ANK2: variants seen among roughly 807,000 people sequenced by gnomAD.
ANK2 encodes the protein ankyrin 2.
ANK2 carries 83 observed loss-of-function variants against 360.5 expected under a neutral mutation model. The observed-to-expected ratio is 0.23, with a 90% confidence interval of 0.19 to 0.28. ANK2 has a LOEUF of 0.28. Ranked by LOEUF, ANK2 falls within the 10% of genes least tolerant of loss-of-function variation. ANK2 has a pLI of 1.00. For missense variants in ANK2, 4,201 were observed against 4,795.7 expected, an observed-to-expected ratio of 0.88 and a Z score of 3.66; for synonymous variants, 1,740 against 1,759.5, an observed-to-expected ratio of 0.99 and a Z score of 0.28.
At chr4:112,733,806 A>T in the ANK2 span, among the ~76,000 whole-genome samples, 1 of 152,166 alleles carries the variant, frequency 6.6e-6, no homozygotes. Flanking sequence ...ACGGAGTCTC[A>T]CCTTGTCGCC....
At chr4:112,735,692 T>TA in the ANK2 span, among the ~76,000 whole-genome samples, 18 of 152,160 alleles carry the variant, frequency 1.2e-4, no homozygotes, top group African/African-American at 2.7e-4. Context: ...TAAATTGTGG[T>TA]AAAAAAACAT....
At chr4:112,729,067 C>T in the ANK2 span, among the ~76,000 whole-genome samples, 2 of 152,038 alleles carry the variant, frequency 1.3e-5, no homozygotes, top group African/African-American at 2.4e-5. Flanking sequence ...ATTAGCCAGG[C>T]ATGGTGGCAC....
At chr4:113,173,106 T>C (rs2153223848) in intron 1 of ANK2, among the ~76,000 whole-genome samples, 1 of 152,334 alleles carries the variant, frequency 6.6e-6, no homozygotes, top group African/African-American at 2.4e-5. Context: ...GTCACACCTT[T>C]CAACTCTTAA....
chr4:113,058,505 A>G (rs2071324550), intron 1 of ANK2, among the ~76,000 whole-genome samples: 1 of 152,176 alleles, frequency 6.6e-6, no homozygotes, highest in African/African-American at 2.4e-5. Flanking sequence ...TCAAAACATT[A>G]GGAGAACTAT....
In ANK2 at chr4:113,373,428, G is replaced by A. The variant is rs2154075141; in HGVS notation, c.11838G>A (p.Lys3946=). The A allele has an allele frequency of 6.2e-7, 1 of 1,614,174 alleles. No individual in the cohort carries two copies. Among genetic ancestry groups the A allele is most frequent in the Non-Finnish European group, 8.5e-7 (1 of 1,180,020 alleles). Reference sequence around the variant, plus strand: ...AAGTTATAAAGCGTGTTGTATTGAAGAGTGACACCGAGCAGTCAGAGGTGA... The same window carrying A: ...AAGTTATAAAGCGTGTTGTATTGAAAAGTGACACCGAGCAGTCAGAGGTGA... The part of the protein sequence containing the change: ...YSKVIKRVVL[K]SDTEQSEDNN... The change falls in exon 45 of 46, where the codon AAG becomes AAA. Residue 3946 remains lysine (K), a synonymous_variant. Coordinates refer to ENST00000357077, the MANE Select transcript of ANK2 (RefSeq NM_001148.6).
chr4:112,713,967 A>G, the ANK2 span, among the ~76,000 whole-genome samples: 2 of 151,068 alleles, frequency 1.3e-5, no homozygotes, highest in East Asian at 2.0e-4. Context: ...CTGTCAAACT[A>G]TTTTCCAATG....
chr4:113,232,279 A>G lies in ANK2; in HGVS notation c.483+20A>G. The stretch of plus-strand genomic sequence containing the variant: ...ACAGAGGTAAGACTGTCAGCCCTAA[A>G]GCCTTGAATTCTTTGATCTTAATGT... On this transcript the variant is annotated intron_variant, in intron 5 of 45. Transcript: ENST00000357077. 2 of 1,516,068 alleles carry G rather than the reference A, an allele frequency of 1.3e-6. No individual in the cohort carries two copies. The highest frequency in any genetic ancestry group is 1.8e-6 in the Non-Finnish European group (2 of 1,091,438). The allele number at this position is 1,516,068 out of a possible 1,614,324, so 93.9% of individuals were successfully genotyped here. A position where few individuals can be genotyped will look rare whatever the true frequency, so the allele number is the denominator to read the frequency against.
chr4:113,338,449 T>C (rs1466286249), intron 31 of ANK2, among the ~76,000 whole-genome samples: 1 of 152,152 alleles, frequency 6.6e-6, no homozygotes, highest in Non-Finnish European at 1.5e-5. Flanking sequence ...AAACATTTTT[T>C]GGCTAAACTT....
chr4:112,942,322 C>T (rs2094286088), intron 2 of ANK2, among the ~76,000 whole-genome samples: 1 of 152,060 alleles, frequency 6.6e-6, no homozygotes, highest in African/African-American at 2.4e-5. Context: ...TTCCTTGTGC[C>T]TAATGCTTTT....
chr4:112,931,433 C>CTTTTTTTTTT (rs59802557), intron 2 of ANK2, among the ~76,000 whole-genome samples: 96 of 85,192 alleles, frequency 1.1e-3, no homozygotes, highest in Non-Finnish European at 1.8e-3. Context: ...TCTTTCTTTT[C>CTTTTTTTTTT]TTTTTTTTTT....
intron 13 of ANK2, among the ~76,000 whole-genome samples, chr4:113,262,493 G>C (rs2053501993): frequency 6.6e-6 from 1 of 152,126 alleles, no homozygotes; most frequent in Admixed American, 6.5e-5. Context: ...GCCTCCCAAA[G>C]TGCTGGGATT....
intron 2 of ANK2, among the ~76,000 whole-genome samples, chr4:112,990,372 G>T (rs1379046860): frequency 6.6e-6 from 1 of 152,122 alleles, no homozygotes; most frequent in African/African-American, 2.4e-5. Flanking sequence ...AATAGTCAAG[G>T]TATAAAAGTC....
At chr4:113,118,404 CTT>C (rs2095047716) in intron 1 of ANK2, among the ~76,000 whole-genome samples, 1 of 152,126 alleles carries the variant, frequency 6.6e-6, no homozygotes. Context: ...TCAATGGACT[CTT>C]TTTTTCTTCC....
intron 1 of ANK2, among the ~76,000 whole-genome samples, chr4:113,082,288 C>T (rs753834277): frequency 8.5e-5 from 13 of 152,056 alleles, no homozygotes; most frequent in Non-Finnish European, 1.9e-4. Context: ...AAACGCCTTC[C>T]TATTTCAAAC....
intron 2 of ANK2, among the ~76,000 whole-genome samples, chr4:112,944,424 A>G (rs1161779487): frequency 1.3e-5 from 2 of 152,232 alleles, no homozygotes; most frequent in African/African-American, 4.8e-5. Context: ...AAAAATGTAA[A>G]CAGCTTACTT....
chr4:112,925,721 A>G (rs1237547638), intron 2 of ANK2, among the ~76,000 whole-genome samples: 1 of 152,232 alleles, frequency 6.6e-6, no homozygotes, highest in Non-Finnish European at 1.5e-5. Flanking sequence ...GAGATTACAT[A>G]GAAGAGTTGG....
chr4:113,164,944 A>G (rs2097698778), intron 1 of ANK2, among the ~76,000 whole-genome samples: 1 of 152,224 alleles, frequency 6.6e-6, no homozygotes, highest in Non-Finnish European at 1.5e-5. Context: ...AAGGATCTCA[A>G]AAGTTCTCTC....
chr4:113,191,071 G>A (rs1410943073), intron 2 of ANK2, among the ~76,000 whole-genome samples: 3 of 152,192 alleles, frequency 2.0e-5, no homozygotes, highest in Non-Finnish European at 4.4e-5. Flanking sequence ...TGGGTATGGT[G>A]GTTCACGCCT....
At chr4:112,793,119 C>A in the ANK2 span, among the ~76,000 whole-genome samples, 1 of 151,830 alleles carries the variant, frequency 6.6e-6, no homozygotes, top group Non-Finnish European at 1.5e-5. Flanking sequence ...ATTAAAAATG[C>A]AAGAAAAACT....
Sources: allele counts gnomAD v4.1 joint callset (sites outside exome capture counted in the v4.1 genomes callset), GRCh38; gene constraint gnomAD v4.1.1; transcripts MANE v1.5; gene names NCBI Gene and HGNC (gene_info 2026-07-23, HGNC 2026-07-21).